Variants in KPNA1 observed in about 807,000 individuals in gnomAD.
KPNA1 encodes the protein importin subunit alpha-5.
KPNA1 carries 10 observed loss-of-function variants against 70.5 expected under a neutral mutation model. That is an observed-to-expected ratio of 0.14 (90% CI 0.09 to 0.24). The LOEUF is 0.24. KPNA1 is among the 10% of genes least tolerant of loss of function. The pLI is 1.00. For missense variants in KPNA1, 397 were observed against 637.9 expected (o/e 0.62, Z 4.07); for synonymous variants, 192 against 221.9 (o/e 0.87, Z 1.20).
chr3:122,455,307 T>C (rs1266745205), intron 5 of KPNA1, among the ~76,000 whole-genome samples: 1 of 152,112 alleles, frequency 6.6e-6, no homozygotes, highest in African/African-American at 2.4e-5. Context: ...GTGACATACA[T>C]GAGTGAGGTA....
intron 1 of KPNA1, among the ~76,000 whole-genome samples, chr3:122,504,307 T>C (rs1309662937): frequency 6.6e-6 from 1 of 152,108 alleles, no homozygotes; most frequent in Non-Finnish European, 1.5e-5. Context: ...GACCATTTTT[T>C]TCACTGTGTA....
chr3:122,494,011 T>G (rs2076729740), intron 2 of KPNA1, among the ~76,000 whole-genome samples: 1 of 152,098 alleles, frequency 6.6e-6, no homozygotes. Flanking sequence ...ATGGAGTTGT[T>G]TTTTTCTTGT....
In KPNA1 at chr3:122,452,009, A is replaced by T; in HGVS notation, c.620T>A (p.Val207Asp). 1 of 1,610,340 alleles carries T rather than the reference A, an allele frequency of 6.2e-7. No individual in the cohort carries two copies. Among genetic ancestry groups the T allele is most frequent in the Non-Finnish European group, 8.5e-7 (1 of 1,178,052 alleles). ...AGGGGGAAGGATATTGCAGTCTAAG[A>T]CATAGTCCCTGCACATGGTACTATC... is the stretch of plus-strand genomic sequence containing the variant. Reference protein sequence around the residue: ...AGDSTMCRDYVLDCNILPPLL... With the variant: ...AGDSTMCRDYDLDCNILPPLL... Residue 207 changes from valine (V) to aspartate (D), a missense_variant, in exon 7 of 14, where the codon GTC (valine) becomes GAC (aspartate). Physicochemically the swap from Val to Asp is radical, Grantham distance 152. Coordinates refer to ENST00000344337, the MANE Select transcript of KPNA1 (RefSeq NM_002264.4).
chr3:122,482,677 T>A (rs2076584789), intron 2 of KPNA1, among the ~76,000 whole-genome samples: 1 of 152,176 alleles, frequency 6.6e-6, no homozygotes, highest in Non-Finnish European at 1.5e-5. Context: ...TATACAAAAT[T>A]AAATTGCATT....
chr3:122,459,548 TGTTG>T, intron 5 of KPNA1: 2 of 985,488 alleles, frequency 2.0e-6, no homozygotes, highest in Non-Finnish European at 2.4e-6. Context: ...TTCTCTGCAG[TGTTG>T]GTTGTCTGGA....
intron 2 of KPNA1, among the ~76,000 whole-genome samples, chr3:122,478,650 C>G (rs1161273256): frequency 6.6e-6 from 1 of 151,038 alleles, no homozygotes; most frequent in Admixed American, 6.6e-5. Flanking sequence ...TGAACTGGGA[C>G]CCAGGAGGCG....
rs762342906 is a variant in KPNA1 at position 122,426,950 on chromosome 3, G to A, written c.*35C>T. The A allele has an allele frequency of 6.4e-7, 1 of 1,574,130 alleles. No homozygotes were observed. The highest frequency in any genetic ancestry group is 1.1e-5 in the South Asian group (1 of 89,788). ...ACAAGAGGACTCGACTGGGTAGCCTGGTCTGACACAGGTACGTGAAAGCAG... is the reference window on the plus strand; with the variant it reads ...ACAAGAGGACTCGACTGGGTAGCCTAGTCTGACACAGGTACGTGAAAGCAG... On this transcript the variant is annotated 3_prime_UTR_variant, in exon 14 of 14. Transcript: ENST00000344337.
intron 2 of KPNA1, among the ~76,000 whole-genome samples, chr3:122,479,083 A>G (rs1472639510): frequency 3.3e-5 from 5 of 152,128 alleles, no homozygotes; most frequent in Non-Finnish European, 2.9e-5. Flanking sequence ...CGCTACCAAG[A>G]GAATGAAAAG....
intron 5 of KPNA1, 44 bp from the exon 6 acceptor site, chr3:122,454,045 A>C: frequency 7.1e-7 from 1 of 1,402,418 alleles, no homozygotes; most frequent in Non-Finnish European, 9.7e-7. Context: ...TAGAATGTAA[A>C]AGTTTGTTTA....
rs2076763264 is a variant in KPNA1 at position 122,496,511 on chromosome 3, G to A, written c.55C>T (p.Leu19=). 2 of 1,613,970 alleles carry A rather than the reference G, an allele frequency of 1.2e-6. No individual in the cohort carries two copies. Among genetic ancestry groups the A allele is most frequent in the South Asian group, 2.2e-5 (2 of 91,062 alleles). ...FRLKSYKNKS[L]NPDEMRRRRE... is the part of the protein sequence containing the mutation. ...CTCCTGCGCATCTCATCGGGATTCA[G>A]AGATTTGTTCTTGTAACTTTTCAGG... Residue 19 remains leucine, a synonymous_variant, in exon 2 of 14, where the codon CTG becomes TTG. Transcript: ENST00000344337.
At chr3:122,444,212 T>C (rs369280498) in intron 9 of KPNA1, among the ~76,000 whole-genome samples, 21 of 152,360 alleles carry the variant, frequency 1.4e-4, no homozygotes, top group African/African-American at 5.0e-4. Flanking sequence ...TCAGACCTTA[T>C]GGTTATCTCC....
At chr3:122,481,958 A>G (rs1252583954) in intron 2 of KPNA1, among the ~76,000 whole-genome samples, 1 of 152,256 alleles carries the variant, frequency 6.6e-6, no homozygotes, top group Non-Finnish European at 1.5e-5. Flanking sequence ...CTCTCCTAAA[A>G]AAGTTTTTCT....
intron 2 of KPNA1, among the ~76,000 whole-genome samples, chr3:122,477,374 A>G (rs1040478225): frequency 6.6e-6 from 1 of 152,210 alleles, no homozygotes; most frequent in East Asian, 1.9e-4. Context: ...ACTATAGTTC[A>G]TAACAGTATA....
At chr3:122,502,503 G>A (rs1455427553) in intron 1 of KPNA1, among the ~76,000 whole-genome samples, 1 of 152,208 alleles carries the variant, frequency 6.6e-6, no homozygotes, top group Non-Finnish European at 1.5e-5. Context: ...AATCAACTCT[G>A]CTGGCACCTT....
chr3:122,442,245 T>G (rs559879537), intron 9 of KPNA1, 129 bp from the exon 10 acceptor site: 1 of 666,584 alleles, frequency 1.5e-6, no homozygotes, highest in Non-Finnish European at 2.7e-6. Flanking sequence ...ATGGGGCTAA[T>G]TAAGGGAACG....
chr3:122,496,422 A>C lies in KPNA1; in HGVS notation c.129+15T>G. The C allele has an allele frequency of 6.2e-7, 1 of 1,609,392 alleles. No individual in the cohort carries two copies. Among genetic ancestry groups the C allele is most frequent in the Non-Finnish European group, 8.5e-7 (1 of 1,177,628 alleles). On this transcript the variant is annotated intron_variant, in intron 2 of 13. Transcript: ENST00000344337. The stretch of plus-strand genomic sequence containing the variant: ...TAAATTCTTTAAAAGAAATGAATAA[A>C]GGTAAAGGATTTACCTGCTCTTCTC...
In KPNA1 at chr3:122,493,110, TATC is replaced by T. The variant is rs775781754; in HGVS notation, c.129+3324_129+3326del. Among the ~76,000 whole-genome samples the T allele has an allele frequency of 9.8e-5, 15 of 152,350 alleles. No individual in the cohort carries two copies. The South Asian group carries it at 1.0e-3, about 11-fold the overall frequency. On this transcript the variant is annotated intron_variant, in intron 2 of 13. Transcript: ENST00000344337. ...TAACAAACACTCAACAGTTAACTGT[TATC>T]ATCAATACTTCATCATTAATCCACT...
At chr3:122,458,052 G>A (rs576001566) in intron 5 of KPNA1, among the ~76,000 whole-genome samples, 1 of 152,288 alleles carries the variant, frequency 6.6e-6, no homozygotes, top group South Asian at 2.1e-4. Flanking sequence ...GGCAGAAAAG[G>A]GGAAACTAAG....
intron 2 of KPNA1, among the ~76,000 whole-genome samples, chr3:122,487,292 A>G (rs989868720): frequency 6.6e-6 from 1 of 152,248 alleles, no homozygotes; most frequent in African/African-American, 2.4e-5. Context: ...ATCATTAGAC[A>G]AATGGAAATC....
Sources: gnomAD v4.1 joint callset for allele counts (sites outside exome capture counted in the v4.1 genomes callset) on GRCh38, gnomAD v4.1.1 for gene constraint, MANE v1.5 for transcripts, NCBI Gene and HGNC (gene_info 2026-07-23, HGNC 2026-07-21) for gene names.